The following NAV3 variants were observed in gnomAD, a reference collection of about 807,000 sequenced individuals.
The protein encoded by NAV3 is neuron navigator 3.
NAV3 carries 87 observed loss-of-function variants against 244.7 expected under a neutral mutation model. The observed-to-expected ratio is 0.36, with a 90% CI of 0.30 to 0.42. The LOEUF (loss-of-function observed/expected upper bound fraction) is 0.42. NAV3 is among the 20% of genes least tolerant of loss of function. NAV3 has a pLI of 1.00. For missense variants in NAV3, 2,663 were observed against 2,893.3 expected, an observed-to-expected ratio of 0.92 and a Z score of 1.83; for synonymous variants, 1,126 against 1,042.2, an observed-to-expected ratio of 1.08 and a Z score of -1.55.
chr12:78,029,463 C>T (rs1418076816), intron 9 of NAV3, among the ~76,000 whole-genome samples: 6 of 152,082 alleles, frequency 3.9e-5, no homozygotes, highest in Non-Finnish European at 8.8e-5. Flanking sequence ...ATAAATTATG[C>T]CAGTTGATAA....
chr12:77,841,250 G>A (rs922805891), intron 1 of NAV3, among the ~76,000 whole-genome samples: 3 of 152,130 alleles, frequency 2.0e-5, no homozygotes, highest in Non-Finnish European at 4.4e-5. Context: ...ATAACAACGT[G>A]ATGCCACCTC....
At chr12:77,974,484 G>C (rs1051672659) in intron 5 of NAV3, among the ~76,000 whole-genome samples, 1 of 151,276 alleles carries the variant, frequency 6.6e-6, no homozygotes, top group Non-Finnish European at 1.5e-5. Flanking sequence ...TTTTTGTGGA[G>C]ACATGGTTTC....
intron 8 of NAV3, among the ~76,000 whole-genome samples, chr12:78,012,839 C>G (rs113752700): frequency 0.027 from 4,036 of 152,168 alleles, 79 homozygotes; most frequent in Non-Finnish European, 0.042. Context: ...GTGATTTCAG[C>G]CACCTCCTAA....
intron 2 of NAV3, among the ~76,000 whole-genome samples, chr12:77,709,944 C>A (rs1876026349): frequency 6.6e-6 from 1 of 152,194 alleles, no homozygotes; most frequent in East Asian, 1.9e-4. Flanking sequence ...AGTTATACAA[C>A]ATGAACCCAA....
intron 12 of NAV3, among the ~76,000 whole-genome samples, chr12:78,112,074 C>T (rs559493096): frequency 6.6e-5 from 10 of 152,250 alleles, no homozygotes; most frequent in South Asian, 2.1e-4. Context: ...AGGCTATTAG[C>T]GAATCATAGC....
At chr12:77,826,698 A>G (rs1296530807), upstream of NAV3, among the ~76,000 whole-genome samples, 1 of 152,184 alleles carries the variant, frequency 6.6e-6, no homozygotes, top group Non-Finnish European at 1.5e-5. Flanking sequence ...GAAAATACTG[A>G]ATGATTTCAT....
chr12:78,177,314 G>A lies in NAV3; in HGVS notation c.5297+1G>A, dbSNP rs1958277269. On this transcript the variant is annotated splice_donor_variant, in intron 27 of 39. Transcript: ENST00000397909. LOFTEE classifies it high-confidence loss of function. ...TGAAGCCCTCACAATCTGCTTCAGC[G>A]TAAGTTGCTCCTTCTGCAAAATGCA... 3 of 1,599,624 alleles carry A rather than the reference G, an allele frequency of 1.9e-6. No homozygotes were observed. The highest frequency in any genetic ancestry group is 1.8e-5 in the Admixed American group (1 of 55,352).
intron 2 of NAV3, among the ~76,000 whole-genome samples, chr12:77,645,825 G>A (rs1004357025): frequency 6.6e-6 from 1 of 151,984 alleles, no homozygotes; most frequent in African/African-American, 2.4e-5. Flanking sequence ...TACCTTAAGG[G>A]AAAGCTCAGT....
At chr12:78,090,826 A>G (rs1215861410) in intron 12 of NAV3, among the ~76,000 whole-genome samples, 1 of 151,946 alleles carries the variant, frequency 6.6e-6, no homozygotes, top group Non-Finnish European at 1.5e-5. Context: ...AAAGTCAAAA[A>G]GATGTGAAAA....
chr12:77,994,308 A>G (rs535941936), intron 5 of NAV3, among the ~76,000 whole-genome samples: 1 of 152,362 alleles, frequency 6.6e-6, no homozygotes, highest in East Asian at 1.9e-4. Flanking sequence ...AAACCAGATT[A>G]TTTAATCATT....
intron 1 of NAV3, among the ~76,000 whole-genome samples, chr12:77,883,819 T>C (rs1882963018): frequency 6.6e-6 from 1 of 152,144 alleles, no homozygotes. Flanking sequence ...GTTTTTCTTT[T>C]ATCTTTCAGT....
intron 27 of NAV3, 38 bp from the exon 28 acceptor site, chr12:78,177,582 A>G (rs370475945): frequency 6.4e-7 from 1 of 1,565,654 alleles, no homozygotes; most frequent in Admixed American, 1.7e-5. Flanking sequence ...TTTCATGGGC[A>G]TTTGTCCATG....
At chr12:77,944,312 A>G (rs1403409593) in intron 3 of NAV3, among the ~76,000 whole-genome samples, 1 of 152,128 alleles carries the variant, frequency 6.6e-6, no homozygotes, top group African/African-American at 2.4e-5. Context: ...ACTTTAAAAG[A>G]TCACCCTAGA....
At chr12:77,738,542 C>T (rs1355306660) in intron 2 of NAV3, among the ~76,000 whole-genome samples, 1 of 152,196 alleles carries the variant, frequency 6.6e-6, no homozygotes, top group Non-Finnish European at 1.5e-5. Context: ...AGGAAGTGTT[C>T]AAGCACATAC....
rs917663943 is a variant in NAV3, at chr12:78,080,685, C to T, written c.2636+21570C>T. Among the ~76,000 whole-genome samples the T allele has an allele frequency of 2.6e-5, 4 of 152,162 alleles. No individual in the cohort carries two copies. In the East Asian group the frequency reaches 7.7e-4, roughly 29 times the overall value. On this transcript the variant is annotated intron_variant, in intron 12 of 39. Coordinates refer to ENST00000397909, the MANE Select transcript of NAV3 (RefSeq NM_001024383.2). ...TTTCTAAGATATTGGACCATTTACTCATGGTGAGATAATAGTGTTCAAATT... is the reference window on the plus strand; with the variant it reads ...TTTCTAAGATATTGGACCATTTACTTATGGTGAGATAATAGTGTTCAAATT...
At chr12:77,787,743 T>C (rs933985217) in intron 2 of NAV3, among the ~76,000 whole-genome samples, 3 of 152,178 alleles carry the variant, frequency 2.0e-5, no homozygotes, top group African/African-American at 7.2e-5. Flanking sequence ...AGCCAAACCA[T>C]ATCATGGGGA....
chr12:78,053,437 A>C (rs1334398222), intron 11 of NAV3, among the ~76,000 whole-genome samples: 2 of 152,136 alleles, frequency 1.3e-5, no homozygotes, highest in Non-Finnish European at 2.9e-5. Context: ...TCAACTGATC[A>C]ATACATAAAC....
At position 77,579,284 on chromosome 12, in the gene NAV3, T is replaced by G. The variant is rs1228531412; in HGVS notation, c.72+7018T>G. 2.6e-5 allele frequency among the ~76,000 whole-genome samples: 4 copies of G among 152,358 alleles called. No homozygotes were observed. The East Asian group carries it at 7.7e-4, about 29-fold the overall frequency. On this transcript the variant is annotated intron_variant, in intron 2 of 8. Transcript: ENST00000550042. ...AGAGCTTGCCCAAAGATGGGAACCC[T>G]GTTAGTTGAGCTTATCACAAATGAG...
At chr12:77,692,135 G>C (rs1875061614) in intron 2 of NAV3, among the ~76,000 whole-genome samples, 1 of 151,880 alleles carries the variant, frequency 6.6e-6, no homozygotes, top group Admixed American at 6.6e-5. Flanking sequence ...AATAAACATT[G>C]ATACATATAA....
Sources: gnomAD v4.1 joint callset for allele counts (sites outside exome capture counted in the v4.1 genomes callset) on GRCh38, gnomAD v4.1.1 for gene constraint, MANE v1.5 for transcripts, NCBI Gene and HGNC (gene_info 2026-07-23, HGNC 2026-07-21) for gene names.